The following EIPR1 variants were observed in gnomAD, a reference collection of about 807,000 sequenced individuals.
The protein encoded by EIPR1 is EARP and GARP complex-interacting protein 1.
In EIPR1, 25 loss-of-function variants were observed where a neutral mutation model predicts 48.1. The observed-to-expected ratio is 0.52, with a 90% confidence interval of 0.38 to 0.73. EIPR1 has a LOEUF of 0.73. EIPR1 is among the 30% of genes least tolerant of loss of function. The pLI, the probability that EIPR1 is intolerant of heterozygous loss-of-function variation, is 0.00. For synonymous variants in EIPR1, 204 were observed against 201.9 expected (o/e 1.01, Z -0.09); for missense variants, 415 against 506.2 (o/e 0.82, Z 1.73).
chr2:3,212,411 G>T (rs1482794823), intron 5 of EIPR1, among the ~76,000 whole-genome samples: 2 of 152,198 alleles, frequency 1.3e-5, no homozygotes, highest in African/African-American at 4.8e-5. Flanking sequence ...TCCCACACCA[G>T]GAGCTGGGCC....
chr2:3,277,620 A>T (rs1667893727), intron 3 of EIPR1, among the ~76,000 whole-genome samples: 1 of 152,170 alleles, frequency 6.6e-6, no homozygotes, highest in Admixed American at 6.5e-5. Context: ...TCCTTTTCTC[A>T]TTAATTAAGT....
chr2:3,262,792 G>C (rs1667373490), intron 3 of EIPR1, among the ~76,000 whole-genome samples: 9 of 152,236 alleles, frequency 5.9e-5, no homozygotes, highest in Admixed American at 5.9e-4. Flanking sequence ...TGATAATGGA[G>C]CTCCTGGCCA....
At chr2:3,310,144 T>C (rs1289361422) in intron 3 of EIPR1, among the ~76,000 whole-genome samples, 1 of 152,166 alleles carries the variant, frequency 6.6e-6, no homozygotes, top group Non-Finnish European at 1.5e-5. Flanking sequence ...GTTGTTTATA[T>C]ATTAGGAGTG....
intron 1 of EIPR1, among the ~76,000 whole-genome samples, chr2:3,369,415 G>A (rs1189780385): frequency 1.3e-5 from 2 of 152,322 alleles, no homozygotes; most frequent in African/African-American, 2.4e-5. Flanking sequence ...CCGTGCGCAA[G>A]CCGAAGCAGG....
intron 3 of EIPR1, among the ~76,000 whole-genome samples, chr2:3,262,974 A>G (rs1451417694): frequency 6.6e-6 from 1 of 152,206 alleles, no homozygotes; most frequent in Non-Finnish European, 1.5e-5. Context: ...TGCCCAAACC[A>G]TACAAGACTT....
At chr2:3,369,445 G>A (rs542579403) in intron 1 of EIPR1, among the ~76,000 whole-genome samples, 109 of 152,324 alleles carry the variant, frequency 7.2e-4, no homozygotes, top group African/African-American at 2.5e-3. Context: ...TGCCTCACTC[G>A]GGAAGTGCAA....
In EIPR1 at chr2:3,235,439, CG is replaced by C. The variant is rs1558241270; in HGVS notation, c.417-21192del. Among the ~76,000 whole-genome samples the C allele has an allele frequency of 5.4e-3, 308 of 56,550 alleles. 1 individual carries two copies. Among genetic ancestry groups the C allele is most frequent in the Admixed American group, 0.017 (65 of 3,882 alleles). The allele number at this position is 56,550 out of a possible 152,430, so 37.1% of individuals were successfully genotyped here. On this transcript the variant is annotated intron_variant, in intron 4 of 8. Transcript: ENST00000382125. Reference sequence around the variant, plus strand: ...GCGGGTGCGCACACACACACACACACGCGTGCGCGCACACACACACACACCC... The same window carrying C: ...GCGGGTGCGCACACACACACACACACCGTGCGCGCACACACACACACACCC...
At chr2:3,285,706 G>A (rs1410459395) in intron 3 of EIPR1, among the ~76,000 whole-genome samples, 1 of 137,386 alleles carries the variant, frequency 7.3e-6, no homozygotes, top group Admixed American at 7.3e-5. Flanking sequence ...CTGTCTCCGG[G>A]ACCCTCGCAC....
At chr2:3,237,505 T>C (rs977685938) in intron 4 of EIPR1, among the ~76,000 whole-genome samples, 3 of 152,220 alleles carry the variant, frequency 2.0e-5, no homozygotes, top group Non-Finnish European at 4.4e-5. Context: ...CTTTATCGTA[T>C]GTATTGCACA....
rs145580907 is a variant in EIPR1 at position 3,333,278 on chromosome 2, A to G, written c.259+4739T>C. Among the ~76,000 whole-genome samples, 1,097 of 152,358 alleles carry G rather than the reference A, an allele frequency of 7.2e-3. 14 individuals carry two copies. The highest frequency in any genetic ancestry group is 0.025 in the African/African-American group (1,029 of 41,584). On this transcript the variant is annotated intron_variant, in intron 3 of 8. Coordinates refer to ENST00000382125, the MANE Select transcript of EIPR1 (RefSeq NM_003310.5). ...GACTTCCACTGATTTGCAGAGATTC[A>G]GTGTGGCACAATAAACAGATAAAAT...
At chr2:3,320,112 C>T (rs1181249323) in intron 3 of EIPR1, 70 of 174,900 alleles carry the variant, frequency 4.0e-4, no homozygotes, top group East Asian at 2.4e-3. Flanking sequence ...AGGGCAACAC[C>T]GCCCCTGGGG....
At chr2:3,291,192 G>C (rs941458769) in intron 3 of EIPR1, among the ~76,000 whole-genome samples, 4 of 152,176 alleles carry the variant, frequency 2.6e-5, no homozygotes, top group African/African-American at 9.7e-5. Flanking sequence ...GGCACACCCA[G>C]CATCACAACA....
intron 3 of EIPR1, among the ~76,000 whole-genome samples, chr2:3,335,732 G>A (rs532152490): frequency 2.0e-5 from 3 of 152,246 alleles, no homozygotes; most frequent in Non-Finnish European, 4.4e-5. Flanking sequence ...AGTAAGATCT[G>A]GTTGTTTGAA....
chr2:3,287,843 C>G (rs35840747), intron 3 of EIPR1, among the ~76,000 whole-genome samples: 207 of 71,456 alleles, frequency 2.9e-3, no homozygotes, highest in African/African-American at 6.9e-3. Flanking sequence ...AGCTCATTCA[C>G]CATGCTCCAG....
intron 3 of EIPR1, among the ~76,000 whole-genome samples, chr2:3,287,949 C>G (rs530176984): frequency 6.6e-6 from 1 of 152,348 alleles, no homozygotes; most frequent in South Asian, 2.1e-4. Context: ...GCAGAGGGTA[C>G]TGAGTAAGGA....
intron 3 of EIPR1, among the ~76,000 whole-genome samples, chr2:3,322,845 G>A (rs751450076): frequency 2.0e-4 from 30 of 152,232 alleles, no homozygotes; most frequent in Non-Finnish European, 3.1e-4. Flanking sequence ...CCAGGCCAGT[G>A]CTCACTAGGG....
intron 3 of EIPR1, among the ~76,000 whole-genome samples, chr2:3,316,313 A>C (rs544029968): frequency 1.7e-4 from 25 of 150,106 alleles, no homozygotes; most frequent in African/African-American, 5.9e-4. Flanking sequence ...TTTATCTTGG[A>C]GTCTGCAGCA....
chr2:3,223,834 A>G (rs988002795), intron 4 of EIPR1, among the ~76,000 whole-genome samples: 3 of 152,146 alleles, frequency 2.0e-5, no homozygotes, highest in Admixed American at 6.5e-5. Context: ...GCCAGAACCA[A>G]TTCGTCCAGT....
At chr2:3,277,907 C>A (rs920653931) in intron 3 of EIPR1, among the ~76,000 whole-genome samples, 6 of 152,222 alleles carry the variant, frequency 3.9e-5, no homozygotes, top group African/African-American at 1.4e-4. Context: ...CCAAGCGGCA[C>A]TTCCTCGGCC....
Sources: gnomAD v4.1 joint callset for allele counts (sites outside exome capture counted in the v4.1 genomes callset) on GRCh38, gnomAD v4.1.1 for gene constraint, MANE v1.5 for transcripts, NCBI Gene and HGNC (gene_info 2026-07-23, HGNC 2026-07-21) for gene names.